Variants in PLA2G7 observed in about 807,000 individuals in gnomAD.
The protein encoded by PLA2G7 is platelet-activating factor acetylhydrolase.
A neutral mutation model predicts 49.6 loss-of-function variants in PLA2G7; 63 were observed. The observed-to-expected ratio is 1.27, with a 90% CI of 1.04 to 1.57. The LOEUF (loss-of-function observed/expected upper bound fraction) is 1.57, where lower values mean the gene tolerates loss of function less well. PLA2G7 is among the 40% of genes most tolerant of loss of function. The pLI, the probability that PLA2G7 is intolerant of heterozygous loss-of-function variation, is 0.00. For synonymous variants in PLA2G7, 193 were observed against 169.9 expected, an observed-to-expected ratio of 1.14 and a Z score of -1.06; for missense variants, 596 against 521.2, an observed-to-expected ratio of 1.14 and a Z score of -1.40.
At chr6:46,720,635 G>C (rs1024141872) in intron 2 of PLA2G7, among the ~76,000 whole-genome samples, 2 of 152,216 alleles carry the variant, frequency 1.3e-5, no homozygotes, top group African/African-American at 4.8e-5. Flanking sequence ...GAAGTGGAAG[G>C]AGGAGACTCA....
intron 1 of PLA2G7, among the ~76,000 whole-genome samples, chr6:46,723,594 C>T (rs1765473664): frequency 6.6e-6 from 1 of 152,186 alleles, no homozygotes; most frequent in Non-Finnish European, 1.5e-5. Flanking sequence ...TGTATGCTAA[C>T]ATCTTATTAG....
At chr6:46,709,269 C>A (rs1764929380) in intron 9 of PLA2G7, 58 bp downstream of exon 9, 2 of 971,464 alleles carry the variant, frequency 2.1e-6, no homozygotes, top group South Asian at 2.6e-5. Flanking sequence ...TTATATCTCA[C>A]AATATAATTT....
chr6:46,721,449 G>T (rs1032973276), intron 2 of PLA2G7, among the ~76,000 whole-genome samples: 4 of 151,996 alleles, frequency 2.6e-5, no homozygotes, highest in Non-Finnish European at 5.9e-5. Flanking sequence ...TGTCAGTCCA[G>T]CAACAGCCTT....
chr6:46,731,181 G>A (rs1281566712), intron 1 of PLA2G7, among the ~76,000 whole-genome samples: 2 of 152,272 alleles, frequency 1.3e-5, no homozygotes, highest in East Asian at 1.9e-4. Flanking sequence ...CTGTCTCTGC[G>A]AAGAACGTCA....
Position 46,710,555 on chromosome 6 carries a change from T to C in PLA2G7, c.767A>G (p.Glu256Gly), listed in dbSNP as rs1416262997. 2 of 1,587,212 alleles carry C rather than the reference T, an allele frequency of 1.3e-6. No individual in the cohort carries two copies. The highest frequency in any genetic ancestry group is 3.3e-5 in the Admixed American group (2 of 59,970). The change falls in exon 8 of 12, where the codon GAA becomes GGA. Residue 256 changes from glutamate (E) to glycine (G), a missense_variant. Transcript: ENST00000274793. ...KNALDLKFDMEQLKDSIDREK... is the reference protein window; with the variant it reads ...KNALDLKFDMGQLKDSIDREK... ...CTTTTTATAGCTTACCTTCAGTTGT[T>C]CCATATCAAACTTTAAATCTAATGC...
At chr6:46,719,294 G>C (rs778242760) in intron 2 of PLA2G7, among the ~76,000 whole-genome samples, 61 of 152,154 alleles carry the variant, frequency 4.0e-4, no homozygotes, top group Non-Finnish European at 3.4e-4. Flanking sequence ...CCTCCACACT[G>C]GTGACTCATG....
chr6:46,706,632 C>G (rs1764840843), intron 10 of PLA2G7, among the ~76,000 whole-genome samples: 1 of 152,146 alleles, frequency 6.6e-6, no homozygotes, highest in Non-Finnish European at 1.5e-5. Context: ...GAAGCTAGAC[C>G]ACAAGAGTCA....
intron 4 of PLA2G7, 52 bp downstream of exon 4, chr6:46,716,332 A>C (rs1765197502): frequency 1.3e-6 from 2 of 1,593,814 alleles, no homozygotes; most frequent in Non-Finnish European, 1.7e-6. Flanking sequence ...TGTTGTTTTC[A>C]AGGTTTTCAT....
chr6:46,716,335 G>T, intron 4 of PLA2G7, 49 bp downstream of exon 4: 2 of 1,599,066 alleles, frequency 1.3e-6, no homozygotes, highest in Non-Finnish European at 1.7e-6. Context: ...TGTTTTCAAG[G>T]TTTTCATACA....
rs371567926 is a variant in PLA2G7 at position 46,709,494 on chromosome 6, T to G, written c.778-76A>C. The stretch of plus-strand genomic sequence containing the variant: ...GAAATGATTTTGTCAATCATATAAT[T>G]GTTCATTTCATGGGGATGGTTAAAT... On this transcript the variant is annotated intron_variant, in intron 8 of 11. Coordinates refer to ENST00000274793, the MANE Select transcript of PLA2G7 (RefSeq NM_005084.4). 28 of 843,400 alleles carry G rather than the reference T, an allele frequency of 3.3e-5. No homozygotes were observed. The African/African-American group carries it at 3.5e-4, about 11-fold the overall frequency. The allele number at this position is 843,400 out of a possible 1,614,324, so 52.2% of individuals were successfully genotyped here.
Position 46,717,039 on chromosome 6 carries a change from A to T in PLA2G7, c.167T>A (p.Ile56Asn). Residue 56 changes from isoleucine (I) to asparagine (N), a missense_variant, in exon 3 of 12, where the codon ATC becomes AAC. Coordinates refer to ENST00000274793, the MANE Select transcript of PLA2G7 (RefSeq NM_005084.4). ...MAAASFGQTK[I>N]PRGNGPYSVG... ...GGAATAAGGCCCATTTCCCCGGGGG[A>T]TTTTAGTTTGGCCAAAGCTTGCAGC... is the stretch of plus-strand genomic sequence containing the variant. 2 of 1,613,700 alleles carry T rather than the reference A, an allele frequency of 1.2e-6. No individual in the cohort carries two copies. Among genetic ancestry groups the T allele is most frequent in the Non-Finnish European group, 1.7e-6 (2 of 1,179,640 alleles).
At chr6:46,727,287 A>G (rs1032388620) in intron 1 of PLA2G7, among the ~76,000 whole-genome samples, 4 of 152,212 alleles carry the variant, frequency 2.6e-5, no homozygotes, top group Admixed American at 2.0e-4. Flanking sequence ...GAAACAAAAG[A>G]CAACCCAAAA....
chr6:46,719,214 A>T (rs532337864), intron 2 of PLA2G7, among the ~76,000 whole-genome samples: 1 of 152,352 alleles, frequency 6.6e-6, no homozygotes, highest in Admixed American at 6.5e-5. Context: ...TGTTAGATAA[A>T]GCGTCTGCAT....
rs1238078051 is a variant in PLA2G7 at position 46,714,512 on chromosome 6, G to T, written c.418C>A (p.Pro140Thr). 6.2e-7 allele frequency: 1 copy of T among 1,612,314 alleles called. No individual in the cohort carries two copies. Among genetic ancestry groups the T allele is most frequent in the Non-Finnish European group, 8.5e-7 (1 of 1,178,684 alleles). The change falls in exon 5 of 12, where the codon CCT becomes ACT. Residue 140 changes from proline to threonine, a missense_variant. Pro to Thr is a conservative substitution (Grantham distance 38). Coordinates refer to ENST00000274793, the MANE Select transcript of PLA2G7 (RefSeq NM_005084.4). Reference sequence around the variant, plus strand: ...ACAACAAGTGGATATTTTTCACCAGGCCTCAGAGGGGAATTCCAGTTTGCA... The same window carrying T: ...ACAACAAGTGGATATTTTTCACCAGTCCTCAGAGGGGAATTCCAGTTTGCA... ...TPANWNSPLR[P>T]GEKYPLVVFS... is the part of the protein sequence containing the mutation.
chr6:46,714,422 T>A (rs1448675132), intron 5 of PLA2G7, 38 bp downstream of exon 5: 1 of 1,257,094 alleles, frequency 8.0e-7, no homozygotes, highest in African/African-American at 1.5e-5. Context: ...TGTCATTTAT[T>A]CCTGGAAGCC....
rs573123144 is a variant in PLA2G7, at chr6:46,720,199, G to A, written c.109+2584C>T. ...CACACAACTCGCTAAGGAGCCCCAGGGCCACAGCTGCTGTTGGAGACACTA... is the reference window on the plus strand; with the variant it reads ...CACACAACTCGCTAAGGAGCCCCAGAGCCACAGCTGCTGTTGGAGACACTA... On this transcript the variant is annotated intron_variant, in intron 2 of 11. Coordinates refer to ENST00000274793, the MANE Select transcript of PLA2G7 (RefSeq NM_005084.4). 2.0e-4 allele frequency among the ~76,000 whole-genome samples: 30 copies of A among 152,320 alleles called. No individual in the cohort carries two copies. In the South Asian group the frequency reaches 2.5e-3, roughly 13 times the overall value.
chr6:46,723,213 G>A (rs972188610), intron 1 of PLA2G7, among the ~76,000 whole-genome samples: 2 of 152,080 alleles, frequency 1.3e-5, no homozygotes, highest in Admixed American at 1.3e-4. Flanking sequence ...TAACAGTATG[G>A]TCAGCTATAA....
At position 46,704,331 on chromosome 6, in the gene PLA2G7, G is replaced by A. The variant is rs1764709208; in HGVS notation, c.*229C>T. 1 of 523,732 alleles carries A rather than the reference G, an allele frequency of 1.9e-6. No individual in the cohort carries two copies. Among genetic ancestry groups the A allele is most frequent in the African/African-American group, 1.9e-5 (1 of 52,266 alleles). The allele number at this position is 523,732 out of a possible 1,614,324, so 32.4% of individuals were successfully genotyped here. A position where few individuals can be genotyped will look rare whatever the true frequency, so the allele number is the denominator to read the frequency against. ...TAGGCTGATATGAATATTGTATACT[G>A]TATTCTTTCTTTACATCTAAAGGGA... On this transcript the variant is annotated 3_prime_UTR_variant, in exon 12 of 12. Transcript: ENST00000274793.
intron 11 of PLA2G7, 114 bp from the exon 12 acceptor site, chr6:46,704,810 A>G (rs914338663): frequency 6.6e-5 from 47 of 714,554 alleles, no homozygotes; most frequent in Non-Finnish European, 7.3e-6. Flanking sequence ...TTAGGATGGT[A>G]GAGACGATGT....
Sources: allele counts gnomAD v4.1 joint callset (sites outside exome capture counted in the v4.1 genomes callset), GRCh38; gene constraint gnomAD v4.1.1; transcripts MANE v1.5; gene names NCBI Gene and HGNC (gene_info 2026-07-23, HGNC 2026-07-21).